CALN1: variants seen among roughly 807,000 people sequenced by gnomAD.
CALN1 encodes calcium-binding protein 8.
In CALN1, 17 loss-of-function variants were observed where a neutral mutation model predicts 30.6. The ratio of observed to expected loss-of-function variants is 0.56; its 90% CI spans 0.38 to 0.83. CALN1 has a LOEUF of 0.83. Ranked by LOEUF, CALN1 falls within the 40% of genes least tolerant of loss-of-function variation. The pLI is 0.00. For missense variants in CALN1, 291 were observed against 354.9 expected (o/e 0.82, Z 1.45); for synonymous variants, 156 against 131.4 (o/e 1.19, Z -1.28).
chr7:72,341,503 A>T (rs541446578), intron 2 of CALN1, among the ~76,000 whole-genome samples: 1 of 151,996 alleles, frequency 6.6e-6, no homozygotes, highest in South Asian at 2.1e-4. Flanking sequence ...AGTCTGGGCA[A>T]CAGAGCGAGA....
intron 3 of CALN1, among the ~76,000 whole-genome samples, chr7:72,216,247 T>G (rs913245985): frequency 6.6e-6 from 1 of 151,746 alleles, no homozygotes; most frequent in African/African-American, 2.4e-5. Context: ...AGACTCTGAC[T>G]CTACAAAAAA....
intron 3 of CALN1, among the ~76,000 whole-genome samples, chr7:72,108,999 G>GCATACTC (rs1363327873): frequency 6.6e-6 from 1 of 152,124 alleles, no homozygotes; most frequent in Non-Finnish European, 1.5e-5. Context: ...GTGACATCCA[G>GCATACTC]CATACTCCAT....
At chr7:71,940,125 G>A (rs1294051676) in intron 5 of CALN1, among the ~76,000 whole-genome samples, 2 of 152,020 alleles carry the variant, frequency 1.3e-5, no homozygotes, top group East Asian at 3.9e-4. Context: ...AGTTTACCAG[G>A]GTTCCTCCCT....
At chr7:71,808,030 C>A (rs1021900522) in intron 6 of CALN1, among the ~76,000 whole-genome samples, 5 of 152,014 alleles carry the variant, frequency 3.3e-5, no homozygotes, top group African/African-American at 7.2e-5. Flanking sequence ...GCAGAGATTG[C>A]GCCACTGCAC....
chr7:72,380,626 T>C (rs530295081), intron 2 of CALN1, among the ~76,000 whole-genome samples: 1 of 152,224 alleles, frequency 6.6e-6, no homozygotes, highest in South Asian at 2.1e-4. Context: ...ATCAGAGTCA[T>C]ATTAAGAGAG....
At chr7:72,445,088 A>AC (rs1163687324) in intron 1 of CALN1, among the ~76,000 whole-genome samples, 1 of 151,790 alleles carries the variant, frequency 6.6e-6, no homozygotes, top group African/African-American at 2.4e-5. Flanking sequence ...ACACACACAC[A>AC]CACACACACA....
rs190020135 is a variant in CALN1, at chr7:71,907,377, A to C, written c.502-96885T>G. Reference sequence around the variant, plus strand: ...CCTGGGCTGCAAACCAGAAGGACAAATTGGGGGCCATGTGCACAGCCGCAT... The same window carrying C: ...CCTGGGCTGCAAACCAGAAGGACAACTTGGGGGCCATGTGCACAGCCGCAT... On this transcript the variant is annotated intron_variant, in intron 5 of 6. Transcript: ENST00000395275. Among the ~76,000 whole-genome samples, 6 of 152,206 alleles carry C rather than the reference A, an allele frequency of 3.9e-5. No individual in the cohort carries two copies. The East Asian group carries it at 1.2e-3, about 29-fold the overall frequency.
At chr7:72,013,541 C>T (rs1055885159) in intron 5 of CALN1, among the ~76,000 whole-genome samples, 2 of 152,052 alleles carry the variant, frequency 1.3e-5, no homozygotes, top group African/African-American at 4.8e-5. Context: ...CAGGAGATAC[C>T]ATGCCCAGAC....
intron 5 of CALN1, among the ~76,000 whole-genome samples, chr7:71,995,052 C>T (rs1421190146): frequency 6.6e-6 from 1 of 152,152 alleles, no homozygotes; most frequent in Admixed American, 6.5e-5. Flanking sequence ...CGGGGTTTCA[C>T]CGTGGTAGTC....
chr7:71,878,484 T>C (rs1792380113), intron 5 of CALN1, among the ~76,000 whole-genome samples: 1 of 151,958 alleles, frequency 6.6e-6, no homozygotes, highest in Admixed American at 6.5e-5. Context: ...ATGAGACAGC[T>C]GGTACAGGGC....
chr7:72,387,214 GAAGGA>G, intron 2 of CALN1, among the ~76,000 whole-genome samples: 1 of 110,136 alleles, frequency 9.1e-6, no homozygotes, highest in Non-Finnish European at 1.9e-5. Context: ...GGGAGGGAAG[GAAGGA>G]AGGGAAGGAA....
intron 3 of CALN1, among the ~76,000 whole-genome samples, chr7:72,205,708 T>C (rs1791828407): frequency 6.6e-6 from 1 of 150,890 alleles, no homozygotes; most frequent in South Asian, 2.1e-4. Flanking sequence ...CAATTTTTCC[T>C]TTATACCTTA....
chr7:72,336,817 G>C, intron 2 of CALN1: 1 of 985,070 alleles, frequency 1.0e-6, no homozygotes, highest in South Asian at 4.7e-5. Context: ...GCGCCGAGCG[G>C]GCAGCGCTCA....
rs114903551 is a variant in CALN1, at chr7:72,368,641, G to A, written c.119+34610C>T. Among the ~76,000 whole-genome samples, 1,055 of 152,018 alleles carry A rather than the reference G, an allele frequency of 6.9e-3. 14 individuals are homozygous for A. Among genetic ancestry groups the A allele is most frequent in the African/African-American group, 0.024 (1,008 of 41,474 alleles). On this transcript the variant is annotated intron_variant, in intron 2 of 6. Coordinates refer to ENST00000395275, the MANE Select transcript of CALN1 (RefSeq NM_031468.4). ...GAGCTACAAAACCATCAGATCATAC[G>A]GAGGTCATCTGAAAGTGATTGATAC... is the stretch of plus-strand genomic sequence containing the variant.
rs1786919352 is a variant in CALN1 at position 71,796,310 on chromosome 7, A to T, written c.659-8408T>A. On this transcript the variant is annotated intron_variant, in intron 6 of 6. Coordinates refer to ENST00000395275, the MANE Select transcript of CALN1 (RefSeq NM_031468.4). ...TATGTCTTAAATTCTCTTGGGTGCA[A>T]ACCTAGAAGTTGAATTACTGGGTTA... is the stretch of plus-strand genomic sequence containing the variant. Among the ~76,000 whole-genome samples the T allele has an allele frequency of 5.9e-5, 9 of 152,094 alleles. No homozygotes were observed. The South Asian group carries it at 1.9e-3, about 32-fold the overall frequency.
At chr7:72,387,635 G>A (rs1202394090) in intron 2 of CALN1, among the ~76,000 whole-genome samples, 1 of 152,080 alleles carries the variant, frequency 6.6e-6, no homozygotes, top group African/African-American at 2.4e-5. Flanking sequence ...TGAGAAAACC[G>A]TCAGATGAAT....
intron 5 of CALN1, among the ~76,000 whole-genome samples, chr7:71,906,031 C>CT (rs991004214): frequency 1.3e-5 from 2 of 152,110 alleles, no homozygotes; most frequent in African/African-American, 4.8e-5. Context: ...AACTCACTAC[C>CT]ACAAGAACAG....
At chr7:72,172,536 A>G (rs1263226473) in intron 3 of CALN1, among the ~76,000 whole-genome samples, 1 of 152,210 alleles carries the variant, frequency 6.6e-6, no homozygotes, top group East Asian at 1.9e-4. Context: ...TCCTTATTAC[A>G]GTATTAGCAA....
intron 5 of CALN1, among the ~76,000 whole-genome samples, chr7:71,959,337 C>A (rs1317874132): frequency 1.3e-5 from 2 of 152,144 alleles, no homozygotes; most frequent in African/African-American, 4.8e-5. Flanking sequence ...TCTGTTCTTT[C>A]TTGGAGATCG....
Sources: gnomAD v4.1 joint callset for allele counts (sites outside exome capture counted in the v4.1 genomes callset) on GRCh38, gnomAD v4.1.1 for gene constraint, MANE v1.5 for transcripts, NCBI Gene and HGNC (gene_info 2026-07-23, HGNC 2026-07-21) for gene names.